Variants in MUC12 observed in about 807,000 individuals in gnomAD.
MUC12 encodes the protein mucin 12, cell surface associated.
A neutral mutation model predicts 230.8 loss-of-function variants in MUC12; 172 were observed. The ratio of observed to expected loss-of-function variants is 0.75; its 90% CI spans 0.66 to 0.85. MUC12 has a LOEUF of 0.85. MUC12 is among the 40% of genes least tolerant of loss of function. The probability of loss-of-function intolerance (pLI) is 0.00; values close to 1 mark genes in which losing one functional copy is unlikely to be tolerated. For missense variants in MUC12, 3,506 were observed against 5,920.6 expected (o/e 0.59, Z 13.38); for synonymous variants, 1,259 against 2,401.9 (o/e 0.52, Z 13.91).
chr7:100,987,500 C>T (rs768001084), intron 1 of MUC12, among the ~76,000 whole-genome samples: 2 of 152,154 alleles, frequency 1.3e-5, no homozygotes, highest in Admixed American at 6.5e-5. Context: ...AAGGGTGATG[C>T]TAGCCTTTGA....
At chr7:101,007,250 C>T (rs775145195) in intron 3 of MUC12, among the ~76,000 whole-genome samples, 14 of 152,172 alleles carry the variant, frequency 9.2e-5, no homozygotes, top group Non-Finnish European at 1.5e-4. Context: ...TGAGCCATCG[C>T]GCCCAGCTAT....
intron 10 of MUC12, 139 bp downstream of exon 10, chr7:101,015,830 C>T (rs569877158): frequency 1.6e-4 from 111 of 705,566 alleles, no homozygotes; most frequent in African/African-American, 1.4e-3. Flanking sequence ...CCCTACCTGC[C>T]GCTGCAGCCC....
rs765083101 is a variant in MUC12 at position 100,995,458 on chromosome 7, C to A, written c.4895C>A (p.Ser1632Tyr). The change falls in exon 2 of 12, where the codon TCT (serine) becomes TAT (tyrosine). Residue 1632 changes from serine to tyrosine, a missense_variant. Transcript: ENST00000536621. Reference protein sequence around the residue: ...STTASSLGPESTTFHSSPGST... With the variant: ...STTASSLGPEYTTFHSSPGST... Reference sequence around the variant, plus strand: ...ACAGCATCATCCCTTGGTCCAGAATCTACTACTTTCCACAGCAGCCCAGGC... The same window carrying A: ...ACAGCATCATCCCTTGGTCCAGAATATACTACTTTCCACAGCAGCCCAGGC... 1.6e-4 allele frequency: 240 copies of A among 1,526,752 alleles called. 1 individual carries two copies. Among genetic ancestry groups the A allele is most frequent in the Non-Finnish European group, 2.0e-4 (229 of 1,140,534 alleles). 94.6% of individuals were successfully genotyped at this position (1,526,752 alleles called of 1,614,324 possible). A position where few individuals can be genotyped will look rare whatever the true frequency, so the allele number is the denominator to read the frequency against.
chr7:100,979,563 C>T (rs1416027254), intron 1 of MUC12, among the ~76,000 whole-genome samples: 2 of 152,080 alleles, frequency 1.3e-5, no homozygotes, highest in Non-Finnish European at 1.5e-5. Context: ...AGGCAGATCG[C>T]GAGGTCAAGA....
At chr7:101,007,300 T>A (rs897153285) in intron 3 of MUC12, among the ~76,000 whole-genome samples, 1 of 152,226 alleles carries the variant, frequency 6.6e-6, no homozygotes, top group Non-Finnish European at 1.5e-5. Flanking sequence ...TATTATTGAC[T>A]ATAGTCACTC....
At chr7:100,977,624 G>A (rs571923586) in intron 1 of MUC12, among the ~76,000 whole-genome samples, 3 of 152,144 alleles carry the variant, frequency 2.0e-5, no homozygotes, top group African/African-American at 4.8e-5. Context: ...TTGGCCTCCC[G>A]AAGTGCTGGG....
rs1045274976 is a variant in MUC12, at chr7:101,009,167, T to G, written c.15251+8T>G. The G allele has an allele frequency of 5.2e-6, 8 of 1,537,370 alleles. No individual in the cohort carries two copies. Among genetic ancestry groups the G allele is most frequent in the Non-Finnish European group, 7.0e-6 (8 of 1,146,728 alleles). ...GAACATTCGGAGATTGCTGTGAGTA[T>G]ATTGGGGGGCAGGTTTATAGATGTG... On this transcript the variant is annotated splice_region_variant and intron_variant, in intron 5 of 11. Transcript: ENST00000536621.
Position 100,969,689 on chromosome 7 carries a change from G to C in MUC12, c.67G>C (p.Gly23Arg), listed in dbSNP as rs1299845254. Residue 23 changes from glycine to arginine, a missense_variant and splice_region_variant, in exon 1 of 12, where the codon GGC becomes CGC. Physicochemically the swap from Gly to Arg is moderately radical, Grantham distance 125. Transcript: ENST00000536621. ...LCASVTTVTP[G>R]STVNTSIGGN... ...CGCGTCCGTTACTACAGTGACACCA[G>C]GTGAGTGCTCCTGGGCTGATGCTCC... The C allele has an allele frequency of 1.3e-6, 2 of 1,536,846 alleles. No homozygotes were observed. Among genetic ancestry groups the C allele is most frequent in the Non-Finnish European group, 1.7e-6 (2 of 1,146,774 alleles).
Position 101,018,658 on chromosome 7 carries a change from T to G in MUC12, c.*22T>G. 3 of 1,533,132 alleles carry G rather than the reference T, an allele frequency of 2.0e-6. No homozygotes were observed. 95.0% of individuals were successfully genotyped at this position (1,533,132 alleles called of 1,614,324 possible). ...GTGAGCCAACGGGGGCCTCCCACCC[T>G]CATCTAGCTCTGTTCAGGAGAGCTG... On this transcript the variant is annotated 3_prime_UTR_variant, in exon 12 of 12. Coordinates refer to ENST00000536621, the MANE Select transcript of MUC12 (RefSeq NM_001164462.2).
At chr7:101,007,873 C>A (rs1250062010) in intron 3 of MUC12, among the ~76,000 whole-genome samples, 1 of 150,662 alleles carries the variant, frequency 6.6e-6, no homozygotes, top group Non-Finnish European at 1.5e-5. Context: ...TCTCGGCTTA[C>A]TGCAAGCTCC....
At chr7:100,981,364 C>T in intron 1 of MUC12, 1 of 639,564 alleles carries the variant, frequency 1.6e-6, no homozygotes, top group Non-Finnish European at 2.8e-6. Context: ...CTTGTCCCTC[C>T]TGCAGCGAGT....
Position 101,004,715 on chromosome 7 carries a change from C to G in MUC12, c.14152C>G (p.Pro4718Ala), listed in dbSNP as rs10249439. The change falls in exon 2 of 12, where the codon CCA becomes GCA. Residue 4718 changes from proline to alanine, a missense_variant. Coordinates refer to ENST00000536621, the MANE Select transcript of MUC12 (RefSeq NM_001164462.2). ...IAESTTFYIS[P>A]GSMETTLAST... ...AGAATCTACCACCTTCTATATCTCT[C>G]CAGGCTCAATGGAAACAACATTAGC... The G allele has an allele frequency of 5.2e-6, 8 of 1,537,078 alleles. No individual in the cohort carries two copies. The highest frequency in any genetic ancestry group is 7.0e-6 in the Non-Finnish European group (8 of 1,146,420).
At chr7:101,009,693 C>G (rs1793812109) in intron 5 of MUC12, among the ~76,000 whole-genome samples, 1 of 151,966 alleles carries the variant, frequency 6.6e-6, no homozygotes, top group Admixed American at 6.6e-5. Flanking sequence ...AATGTAACAG[C>G]AAAACTGAGG....
At chr7:100,974,326 A>T (rs903999063) in intron 1 of MUC12, among the ~76,000 whole-genome samples, 4 of 151,734 alleles carry the variant, frequency 2.6e-5, no homozygotes, top group African/African-American at 9.7e-5. Context: ...GATGTATGTT[A>T]GGCCATTCCA....
chr7:101,010,521 T>C (rs999216742), intron 5 of MUC12, among the ~76,000 whole-genome samples: 1 of 151,856 alleles, frequency 6.6e-6, no homozygotes, highest in Non-Finnish European at 1.5e-5. Context: ...AATTTTTTTG[T>C]TTTGCTTTTT....
chr7:100,983,193 G>A (rs1793136059), intron 1 of MUC12, among the ~76,000 whole-genome samples: 1 of 151,988 alleles, frequency 6.6e-6, no homozygotes, highest in African/African-American at 2.4e-5. Flanking sequence ...GCCAAGGCGG[G>A]TGGATCATGT....
intron 1 of MUC12, among the ~76,000 whole-genome samples, chr7:100,972,526 GAC>G (rs1309260440): frequency 1.1e-4 from 1 of 8,934 alleles, no homozygotes; most frequent in East Asian, 2.7e-3. Context: ...TTTTTTTTGA[GAC>G]AGTCTCCTCT....
intron 1 of MUC12, among the ~76,000 whole-genome samples, chr7:100,971,801 T>G (rs1204236117): frequency 6.6e-6 from 1 of 152,306 alleles, no homozygotes; most frequent in Non-Finnish European, 1.5e-5. Context: ...GTAGTCAGAT[T>G]ATTCAAGGAG....
intron 2 of MUC12, among the ~76,000 whole-genome samples, chr7:101,005,789 C>G (rs749737833): frequency 8.5e-6 from 1 of 117,884 alleles, no homozygotes; most frequent in Non-Finnish European, 1.7e-5. Context: ...CCATGAACCC[C>G]TCTTCTCTGG....
Sources: allele counts gnomAD v4.1 joint callset (sites outside exome capture counted in the v4.1 genomes callset), GRCh38; gene constraint gnomAD v4.1.1; transcripts MANE v1.5; gene names NCBI Gene and HGNC (gene_info 2026-07-23, HGNC 2026-07-21).